The following ZNF710 variants were observed in gnomAD, a reference collection of about 807,000 sequenced individuals.
The protein encoded by ZNF710 is zinc finger protein 710.
Under a neutral mutation model 50.6 loss-of-function variants are expected in ZNF710, and 13 were observed. That is an observed-to-expected ratio of 0.26 (90% CI 0.17 to 0.41). The LOEUF is 0.41. Among genes scored for constraint, ZNF710 ranks in the 10% least tolerant of loss-of-function variants. The pLI is 1.00. For synonymous variants in ZNF710, 383 were observed against 397.0 expected (o/e 0.96, Z 0.42); for missense variants, 721 against 936.6 (o/e 0.77, Z 3.01).
At position 90,068,936 on chromosome 15, in the gene ZNF710, A is replaced by AT. The variant is rs1441574584; in HGVS notation, c.1458+344dup. Among the ~76,000 whole-genome samples the AT allele has an allele frequency of 6.6e-6, 1 of 152,028 alleles. No homozygotes were observed. Among genetic ancestry groups the AT allele is most frequent in the African/African-American group, 2.4e-5 (1 of 41,398 alleles). The stretch of plus-strand genomic sequence containing the variant: ...AATGAGACCCCATCGCTACAAAAAA[A>AT]TTTAAACATGGCTAGGCGTGATGGC... On this transcript the variant is annotated intron_variant, in intron 2 of 4. Coordinates refer to ENST00000268154, the MANE Select transcript of ZNF710 (RefSeq NM_198526.4). The surrounding 1 kb of genome is among the most constrained non-coding windows in gnomAD (Gnocchi z 5.0).
intron 1 of ZNF710, among the ~76,000 whole-genome samples, chr15:90,005,105 T>G (rs904944460): frequency 6.6e-6 from 1 of 152,246 alleles, no homozygotes; most frequent in African/African-American, 2.4e-5. Flanking sequence ...CTGATTTCCA[T>G]CTGTGGGTTA....
chr15:90,018,193 G>T (rs543543748), intron 1 of ZNF710, among the ~76,000 whole-genome samples: 10 of 144,642 alleles, frequency 6.9e-5, no homozygotes, highest in Non-Finnish European at 7.5e-5. Context: ...TTTTGAAATG[G>T]AGTCTTGCTC....
At chr15:90,035,102 G>T (rs1899079856) in intron 1 of ZNF710, among the ~76,000 whole-genome samples, 1 of 152,250 alleles carries the variant, frequency 6.6e-6, no homozygotes, top group African/African-American at 2.4e-5. Flanking sequence ...ACTGCTGGAG[G>T]ATGTCGGGGG....
intron 1 of ZNF710, among the ~76,000 whole-genome samples, chr15:90,063,374 C>T (rs891877634): frequency 1.3e-5 from 2 of 152,050 alleles, no homozygotes; most frequent in Non-Finnish European, 2.9e-5. Flanking sequence ...CCCACCCCTG[C>T]CCCCCGGGTT....
chr15:90,078,211 CA>C (rs35832666), intron 4 of ZNF710, among the ~76,000 whole-genome samples: 221 of 116,220 alleles, frequency 1.9e-3, no homozygotes, highest in African/African-American at 3.0e-3. Context: ...AACTCGGTCT[CA>C]AAAAAAAAAA....
chr15:90,000,105 A>G (rs72756598), upstream of ZNF710, among the ~76,000 whole-genome samples: 6 of 151,734 alleles, frequency 4.0e-5, no homozygotes, highest in Non-Finnish European at 8.8e-5. Context: ...CAGGTGCTCA[A>G]TACTTACTTG....
At chr15:90,012,395 C>G (rs1326776814) in intron 1 of ZNF710, among the ~76,000 whole-genome samples, 5 of 149,732 alleles carry the variant, frequency 3.3e-5, no homozygotes, top group African/African-American at 1.2e-4. Flanking sequence ...CGGGTTCACA[C>G]CATTCCCCTG....
At chr15:90,037,621 G>A (rs1331939539) in intron 1 of ZNF710, among the ~76,000 whole-genome samples, 1 of 152,238 alleles carries the variant, frequency 6.6e-6, no homozygotes, top group Non-Finnish European at 1.5e-5. Context: ...CACCAGCTAG[G>A]ATGGAGTGAG....
chr15:90,054,573 A>T (rs1899751181), intron 1 of ZNF710, among the ~76,000 whole-genome samples: 2 of 151,896 alleles, frequency 1.3e-5, no homozygotes, highest in South Asian at 4.2e-4. Flanking sequence ...TGGAAATGGT[A>T]CCCCCCATCC....
At chr15:90,004,087 A>G (rs1387591889) in intron 1 of ZNF710, among the ~76,000 whole-genome samples, 2 of 151,762 alleles carry the variant, frequency 1.3e-5, no homozygotes, top group African/African-American at 2.4e-5. Flanking sequence ...TCAGCGGGCC[A>G]TTTTTCCAGG....
chr15:90,038,857 A>G (rs1479528954), intron 1 of ZNF710, among the ~76,000 whole-genome samples: 1 of 152,146 alleles, frequency 6.6e-6, no homozygotes, highest in Non-Finnish European at 1.5e-5. Context: ...TAATTGCTTC[A>G]TTGTGTCCAG....
At position 90,034,091 on chromosome 15, in the gene ZNF710, G is replaced by A. The variant is rs1386390352; in HGVS notation, c.-29+32477G>A. Among the ~76,000 whole-genome samples the A allele has an allele frequency of 1.3e-5, 2 of 152,048 alleles. No individual in the cohort carries two copies. The highest frequency in any genetic ancestry group is 2.9e-5 in the Non-Finnish European group (2 of 68,006). On this transcript the variant is annotated intron_variant, in intron 1 of 4. Transcript: ENST00000268154. This position sits in a 1 kb window ranked among gnomAD's most constrained non-coding sequence, Gnocchi z 4.0. ...GTAGCAGCTGTAGTCCCAGCTACTC[G>A]GGAGGCTGAGGTGGGAGAATCGCTT... is the stretch of plus-strand genomic sequence containing the variant.
At chr15:90,063,511 C>T (rs1204771355) in intron 1 of ZNF710, among the ~76,000 whole-genome samples, 1 of 152,126 alleles carries the variant, frequency 6.6e-6, no homozygotes, top group East Asian at 1.9e-4. Context: ...CCCACTTAGG[C>T]ACAAACCCTC....
intron 4 of ZNF710, among the ~76,000 whole-genome samples, chr15:90,078,023 C>T (rs947739455): frequency 6.6e-6 from 1 of 152,044 alleles, no homozygotes. Flanking sequence ...GCCTGACCAA[C>T]ATGGAGAAAC....
chr15:90,013,689 A>G (rs1898375172), intron 1 of ZNF710, among the ~76,000 whole-genome samples: 1 of 152,118 alleles, frequency 6.6e-6, no homozygotes, highest in Non-Finnish European at 1.5e-5. Context: ...TCCTTCCTGA[A>G]TACATATCAC....
At chr15:90,077,550 G>T (rs1411676299) in intron 4 of ZNF710, among the ~76,000 whole-genome samples, 2 of 151,984 alleles carry the variant, frequency 1.3e-5, no homozygotes, top group Non-Finnish European at 2.9e-5. Context: ...GGCCCCCAAG[G>T]TGCTTTATTT....
chr15:90,047,638 G>C (rs1899508722), intron 1 of ZNF710, among the ~76,000 whole-genome samples: 1 of 149,642 alleles, frequency 6.7e-6, no homozygotes, highest in Non-Finnish European at 1.5e-5. Context: ...AGGCTGGGGT[G>C]TAGTGGTGCG....
chr15:90,008,340 TGTA>T (rs1480918935), intron 1 of ZNF710, among the ~76,000 whole-genome samples: 5 of 150,018 alleles, frequency 3.3e-5, no homozygotes, highest in South Asian at 2.1e-4. Context: ...ATTATATACA[TGTA>T]GTATATATAT....
chr15:90,000,058 C>G (rs1051419989), upstream of ZNF710, among the ~76,000 whole-genome samples: 1 of 152,076 alleles, frequency 6.6e-6, no homozygotes, highest in Non-Finnish European at 1.5e-5. Flanking sequence ...CGTTTCTCCC[C>G]CTGGCTGCAG....
Sources: allele counts gnomAD v4.1 joint callset (sites outside exome capture counted in the v4.1 genomes callset), GRCh38; gene constraint gnomAD v4.1.1; non-coding constraint Gnocchi (gnomAD v3.1); transcripts MANE v1.5; gene names NCBI Gene and HGNC (gene_info 2026-07-23, HGNC 2026-07-21).